Variants in DNAH2 observed in about 807,000 individuals in gnomAD.
DNAH2 encodes the protein dynein axonemal heavy chain 2.
Under a neutral mutation model 523.5 loss-of-function variants are expected in DNAH2, and 323 were observed. The observed-to-expected ratio is 0.62, with a 90% CI of 0.56 to 0.68. The LOEUF is 0.68. Among genes scored for constraint, DNAH2 ranks in the 30% least tolerant of loss-of-function variants. DNAH2 has a pLI of 0.00. For missense variants in DNAH2, 4,907 were observed against 5,701.5 expected (o/e 0.86, Z 4.49); for synonymous variants, 2,093 against 2,177.4 (o/e 0.96, Z 1.08).
chr17:7,783,236 C>G (rs1024701737), intron 39 of DNAH2, among the ~76,000 whole-genome samples: 1 of 152,106 alleles, frequency 6.6e-6, no homozygotes, highest in East Asian at 1.9e-4. Context: ...CACCACCACA[C>G]CCAGCTAATT....
In DNAH2 at chr17:7,740,969, C is replaced by A; in HGVS notation, c.1666C>A (p.Arg556Ser). ...GKARWVHILR[R>S]RIDRVMTCLA... ...GGCGCGCTGGGTGCACATCCTCCGG[C>A]GTCGCATCGACAGAGTCATGACCGT... The change falls in exon 11 of 86, where the codon CGT becomes AGT. Residue 556 changes from arginine to serine, a missense_variant. Arg to Ser is a moderately radical substitution (Grantham distance 110). Coordinates refer to ENST00000572933, the MANE Select transcript of DNAH2 (RefSeq NM_020877.5). The A allele has an allele frequency of 1.2e-6, 2 of 1,605,566 alleles. No homozygotes were observed. Among genetic ancestry groups the A allele is most frequent in the Middle Eastern group, 3.5e-4 (2 of 5,670 alleles).
rs1422650369 is a variant in DNAH2, at chr17:7,777,956, G to A, written c.5248-121G>A. 3.2e-6 allele frequency: 3 copies of A among 930,564 alleles called. No homozygotes were observed. In the African/African-American group the frequency reaches 4.9e-5, roughly 15 times the overall value. The allele number at this position is 930,564 out of a possible 1,614,324, so 57.6% of individuals were successfully genotyped here. A position where few individuals can be genotyped will look rare whatever the true frequency, so the allele number is the denominator to read the frequency against. On this transcript the variant is annotated intron_variant, in intron 33 of 85. Transcript: ENST00000572933. ...CGCTCCCCTTTTCAACTCTAAAAGG[G>A]AACCCCTGATCCCTTCACTGCAGCC...
chr17:7,805,139 G>A, intron 60 of DNAH2, 65 bp downstream of exon 60: 3 of 1,597,808 alleles, frequency 1.9e-6, no homozygotes, highest in Non-Finnish European at 2.6e-6. Flanking sequence ...GAATGGGCCA[G>A]TCTTCTTTGT....
Position 7,792,049 on chromosome 17 carries a change from G to T in DNAH2, c.7033G>T (p.Glu2345Ter). The T allele has an allele frequency of 1.9e-6, 3 of 1,613,642 alleles. No homozygotes were observed. Among genetic ancestry groups the T allele is most frequent in the Non-Finnish European group, 2.5e-6 (3 of 1,179,910 alleles). The change falls in exon 45 of 86, where the codon GAG becomes TAG. Residue 2345 changes from glutamate (E) to a stop codon, truncating the protein, a stop_gained. Transcript: ENST00000572933. LOFTEE classifies it high-confidence loss of function. ...GATCGACAGCTACCTCCGAGAGATC[G>T]AGGGCTCCTTTCCCAATAAGGTTGG... ...KRIDSYLREI[E>*]GSFPNKDTVY...
chr17:7,738,168 C>T (rs2075198104), intron 8 of DNAH2: 1 of 699,906 alleles, frequency 1.4e-6, no homozygotes, highest in Non-Finnish European at 2.6e-6. Context: ...CCCTTGTCAG[C>T]CCTGTAAGAG....
chr17:7,771,370 A>G lies in DNAH2; in HGVS notation c.4403A>G (p.Asn1468Ser), dbSNP rs766341659. ...LGEDIRKQLP[N>S]ESTLFDQVNS... is the part of the protein sequence containing the mutation. ...GAAGACATCCGCAAGCAGCTGCCCA[A>G]TGAATCGACCTTATTTGACCAGGTC... The change falls in exon 28 of 86, where the codon AAT (asparagine) becomes AGT (serine). Residue 1468 changes from asparagine to serine, a missense_variant. Transcript: ENST00000572933. 13 of 1,614,156 alleles carry G rather than the reference A, an allele frequency of 8.1e-6. No individual in the cohort carries two copies. Among genetic ancestry groups the G allele is most frequent in the South Asian group, 1.1e-5 (1 of 91,078 alleles).
intron 79 of DNAH2, 76 bp downstream of exon 79, chr17:7,830,918 A>T: frequency 6.3e-7 from 1 of 1,582,334 alleles, no homozygotes. Context: ...GGTGGGGGTA[A>T]TGTTTGAGGA....
chr17:7,743,266 A>G, intron 12 of DNAH2, 124 bp downstream of exon 12: 1 of 1,085,556 alleles, frequency 9.2e-7, no homozygotes, highest in Non-Finnish European at 1.4e-6. Context: ...TATGTTTGCT[A>G]TCGTCATTTT....
At chr17:7,792,182 G>A in intron 45 of DNAH2, 70 bp from the exon 46 acceptor site, 1 of 1,601,064 alleles carries the variant, frequency 6.2e-7, no homozygotes, top group Admixed American at 1.7e-5. Context: ...CCGGTGGTCT[G>A]GGGCCCGTTC....
At chr17:7,720,004 G>A (rs2074550091) in intron 2 of DNAH2, 104 bp downstream of exon 2, 1 of 1,361,366 alleles carries the variant, frequency 7.3e-7, no homozygotes, top group South Asian at 1.6e-5. Flanking sequence ...GTTGCTTCTG[G>A]GCAGGAAACG....
At chr17:7,744,772 A>G (rs561410041) in intron 12 of DNAH2, among the ~76,000 whole-genome samples, 1 of 152,228 alleles carries the variant, frequency 6.6e-6, no homozygotes, top group East Asian at 1.9e-4. Flanking sequence ...GAGTTAGCCT[A>G]GTTACGCCAT....
intron 39 of DNAH2, among the ~76,000 whole-genome samples, chr17:7,783,358 T>C (rs933656300): frequency 3.3e-5 from 5 of 152,178 alleles, no homozygotes; most frequent in African/African-American, 1.2e-4. Flanking sequence ...ATTACAGGCA[T>C]GAGCCACTGC....
rs201677291 is a variant in DNAH2 at position 7,765,417 on chromosome 17, C to T, written c.3363C>T (p.Asn1121=). 1.5e-5 allele frequency: 24 copies of T among 1,613,752 alleles called. No individual in the cohort carries two copies. Among genetic ancestry groups the T allele is most frequent in the South Asian group, 1.1e-4 (10 of 91,022 alleles). The change falls in exon 21 of 86, where the codon AAC becomes AAT. Residue 1121 remains asparagine (N), a synonymous_variant. Coordinates refer to ENST00000572933, the MANE Select transcript of DNAH2 (RefSeq NM_020877.5). ...DSVLEMLDSL[N]GEWVVFQQTL... The stretch of plus-strand genomic sequence containing the variant: ...TCCTGGAGATGCTGGACAGTCTCAA[C>T]GGGGAGTGGGTTGTCTTCCAACAAA...
In DNAH2 at chr17:7,767,889, C is replaced by T. The variant is rs2076212966; in HGVS notation, c.3676-11C>T. 6.2e-7 allele frequency: 1 copy of T among 1,614,094 alleles called. No individual in the cohort carries two copies. The highest frequency in any genetic ancestry group is 8.5e-7 in the Non-Finnish European group (1 of 1,180,022). Reference sequence around the variant, plus strand: ...GTGCCACTTCATGCAACGCGCCTTTCTGCCCTGTAGGAGCTCGATGCCCTC... The same window carrying T: ...GTGCCACTTCATGCAACGCGCCTTTTTGCCCTGTAGGAGCTCGATGCCCTC... On this transcript the variant is annotated splice_polypyrimidine_tract_variant and intron_variant, in intron 22 of 85. Coordinates refer to ENST00000572933, the MANE Select transcript of DNAH2 (RefSeq NM_020877.5).
chr17:7,778,788 C>T (rs945498917), intron 35 of DNAH2, among the ~76,000 whole-genome samples: 3 of 151,940 alleles, frequency 2.0e-5, no homozygotes, highest in Non-Finnish European at 2.9e-5. Context: ...AGGCTGGTCT[C>T]GAACTCCTGA....
At chr17:7,801,458 A>G in intron 56 of DNAH2, 120 bp from the exon 57 acceptor site, 1 of 1,393,800 alleles carries the variant, frequency 7.2e-7, no homozygotes, top group Non-Finnish European at 9.9e-7. Flanking sequence ...AAGGAGATAC[A>G]GGAGCAAGGG....
At chr17:7,791,606 C>T (rs2076899131) in intron 44 of DNAH2, among the ~76,000 whole-genome samples, 2 of 152,106 alleles carry the variant, frequency 1.3e-5, no homozygotes, top group African/African-American at 2.4e-5. Flanking sequence ...ATGAATGTTC[C>T]GGGACCTGTC....
Position 7,799,164 on chromosome 17 carries a change from T to C in DNAH2, c.8621T>C (p.Leu2874Pro). ...VEQVPESSDS[L>P]FAYLIERVQN... Reference sequence around the variant, plus strand: ...CAGGTGCCTGAGTCATCGGACAGCCTCTTCGCCTACCTCATTGAACGCGTG... The same window carrying C: ...CAGGTGCCTGAGTCATCGGACAGCCCCTTCGCCTACCTCATTGAACGCGTG... The change falls in exon 56 of 86, where the codon CTC becomes CCC. Residue 2874 changes from leucine (L) to proline (P), a missense_variant. By Grantham distance (98) the Leu-to-Pro change is moderately conservative (BLOSUM62 -3). Transcript: ENST00000572933. 6.2e-7 allele frequency: 1 copy of C among 1,614,230 alleles called. No homozygotes were observed. The highest frequency in any genetic ancestry group is 8.5e-7 in the Non-Finnish European group (1 of 1,180,044).
chr17:7,774,052 A>C (rs781070981), intron 28 of DNAH2, among the ~76,000 whole-genome samples: 2 of 152,130 alleles, frequency 1.3e-5, no homozygotes, highest in African/African-American at 4.8e-5. Flanking sequence ...CTTACTGTAG[A>C]TCTCAGCAAA....
Sources: gnomAD v4.1 joint callset for allele counts (sites outside exome capture counted in the v4.1 genomes callset) on GRCh38, gnomAD v4.1.1 for gene constraint, MANE v1.5 for transcripts, NCBI Gene and HGNC (gene_info 2026-07-23, HGNC 2026-07-21) for gene names.